IGHMBP2: variants seen among roughly 807,000 people sequenced by gnomAD.
IGHMBP2 encodes DNA-binding protein SMUBP-2.
IGHMBP2 carries 81 observed loss-of-function variants against 96.0 expected under a neutral mutation model. The observed-to-expected ratio is 0.84, with a 90% CI of 0.71 to 1.01. The LOEUF (loss-of-function observed/expected upper bound fraction) is 1.01, where lower values mean the gene tolerates loss of function less well. Among genes scored for constraint, IGHMBP2 ranks in the 50% least tolerant of loss-of-function variants. The pLI is 0.00. For missense variants in IGHMBP2, 1,227 were observed against 1,306.3 expected, an observed-to-expected ratio of 0.94 and a Z score of 0.94; for synonymous variants, 557 against 548.9, an observed-to-expected ratio of 1.01 and a Z score of -0.21.
intron 2 of IGHMBP2, among the ~76,000 whole-genome samples, chr11:68,907,588 T>C (rs1447333166): frequency 2.0e-5 from 3 of 152,214 alleles, no homozygotes; most frequent in Non-Finnish European, 2.9e-5. Flanking sequence ...TTAAATTTCA[T>C]ATTTTGATTT....
intron 5 of IGHMBP2, among the ~76,000 whole-genome samples, chr11:68,914,303 AAG>A (rs1555243882): frequency 6.6e-6 from 1 of 151,342 alleles, no homozygotes; most frequent in African/African-American, 2.4e-5. Flanking sequence ...AAAAAAAAAA[AAG>A]AAAGAAAGAA....
intron 7 of IGHMBP2, chr11:68,926,372 G>A (rs1313867549): frequency 6.8e-6 from 1 of 147,332 alleles, no homozygotes; most frequent in Non-Finnish European, 1.5e-5. Flanking sequence ...CCAGGTTCAA[G>A]CAATTCTCCT....
At position 68,936,325 on chromosome 11, in the gene IGHMBP2, T is replaced by A. The variant is rs370850999; in HGVS notation, c.1845T>A (p.Arg615=). Residue 615 remains arginine (R), a synonymous_variant, in exon 13 of 15, where the codon CGT becomes CGA. Transcript: ENST00000255078. ...ACGTGGCGGTCATCTGTGACTCCCG[T>A]ACTGTCAACAACCATGCATTTTTGA... ...RRHVAVICDS[R]TVNNHAFLKT... 144 of 1,614,088 alleles carry A rather than the reference T, an allele frequency of 8.9e-5. 2 individuals carry two copies. The highest frequency in any genetic ancestry group is 4.5e-4 in the African/African-American group (34 of 74,930).
At chr11:68,919,251 C>G (rs917766646) in intron 7 of IGHMBP2, among the ~76,000 whole-genome samples, 4 of 145,854 alleles carry the variant, frequency 2.7e-5, no homozygotes, top group Admixed American at 1.4e-4. Flanking sequence ...CTCCTCTCCT[C>G]TCTTCTTCTC....
At position 68,929,860 on chromosome 11, in the gene IGHMBP2, CACT is replaced by C. The variant is rs1440590209; in HGVS notation, c.1235+504_1235+506del. 3.1e-6 allele frequency: 3 copies of C among 978,236 alleles called. No homozygotes were observed. The African/African-American group carries it at 5.4e-5, about 18-fold the overall frequency. 60.6% of individuals were successfully genotyped at this position (978,236 alleles called of 1,614,324 possible). A position where few individuals can be genotyped will look rare whatever the true frequency, so the allele number is the denominator to read the frequency against. ...CTGGCCCAGGCTGTCCTGGTGGAGA[CACT>C]GGAGTCCTGATGCGGTGGCCTGGCC... is the stretch of plus-strand genomic sequence containing the variant. On this transcript the variant is annotated intron_variant, in intron 8 of 14. Transcript: ENST00000255078.
chr11:68,915,046 A>G, intron 6 of IGHMBP2, 23 bp downstream of exon 6: 1 of 1,603,318 alleles, frequency 6.2e-7, no homozygotes, highest in Non-Finnish European at 8.5e-7. Context: ...GCCAGTGTCC[A>G]TGTGGGGCGT....
intron 4 of IGHMBP2, among the ~76,000 whole-genome samples, 162 bp downstream of exon 4, chr11:68,908,793 G>T (rs1215095451): frequency 2.0e-5 from 3 of 151,268 alleles, no homozygotes; most frequent in Admixed American, 2.0e-4. Context: ...GCATGAACTG[G>T]ACCGTCCTCC....
At chr11:68,938,488 C>A in intron 14 of IGHMBP2, 134 bp downstream of exon 14, 1 of 748,492 alleles carries the variant, frequency 1.3e-6, no homozygotes, top group South Asian at 1.8e-5. Context: ...CCTTCAGAAA[C>A]AGAAATCAGA....
intron 7 of IGHMBP2, among the ~76,000 whole-genome samples, chr11:68,919,289 C>T (rs1858792447): frequency 6.6e-6 from 1 of 151,790 alleles, no homozygotes; most frequent in East Asian, 1.9e-4. Flanking sequence ...TCCCCATCCC[C>T]ATCCCCGTCG....
chr11:68,929,125 C>A, intron 7 of IGHMBP2, 58 bp from the exon 8 acceptor site: 1 of 1,506,888 alleles, frequency 6.6e-7, no homozygotes, highest in Non-Finnish European at 9.2e-7. Flanking sequence ...TCTGGTGTGG[C>A]TGCGCTGTTG....
intron 5 of IGHMBP2, among the ~76,000 whole-genome samples, chr11:68,912,587 T>C (rs563192283): frequency 6.6e-6 from 1 of 152,128 alleles, no homozygotes; most frequent in Non-Finnish European, 1.5e-5. Flanking sequence ...AAAAACTTTC[T>C]GGTTTATAAA....
intron 5 of IGHMBP2, among the ~76,000 whole-genome samples, chr11:68,913,439 G>C (rs1273192498): frequency 6.6e-6 from 1 of 152,004 alleles, no homozygotes. Flanking sequence ...TTTGTTTTGA[G>C]CTTAAGGGCC....
intron 2 of IGHMBP2, among the ~76,000 whole-genome samples, chr11:68,906,640 CTT>C (rs60710565): frequency 4.3e-5 from 5 of 117,582 alleles, no homozygotes; most frequent in Admixed American, 9.3e-5. Flanking sequence ...CATTTCTTTT[CTT>C]TTTTTTTTTT....
rs1859187100 is a variant in IGHMBP2, at chr11:68,929,373, C to G, written c.1235+16C>G. The G allele has an allele frequency of 1.9e-6, 3 of 1,609,784 alleles. No individual in the cohort carries two copies. The highest frequency in any genetic ancestry group is 3.3e-5 in the Admixed American group (2 of 60,006). On this transcript the variant is annotated intron_variant, in intron 8 of 14. Coordinates refer to ENST00000255078, the MANE Select transcript of IGHMBP2 (RefSeq NM_002180.3). ...TCTCTCACAAGTAAGACCCCTTTGC[C>G]TCACATGCCCTTCTCTGCCCCCGCC...
chr11:68,909,234 T>C (rs1314381277), intron 4 of IGHMBP2, among the ~76,000 whole-genome samples: 1 of 137,632 alleles, frequency 7.3e-6, no homozygotes, highest in Non-Finnish European at 1.6e-5. Flanking sequence ...GACTGGAGTA[T>C]AGTGGCATGA....
At chr11:68,904,803 C>CTTTTCTTTTTTCTT (rs892709461) in intron 1 of IGHMBP2, among the ~76,000 whole-genome samples, 1 of 120,996 alleles carries the variant, frequency 8.3e-6, no homozygotes, top group Non-Finnish European at 1.7e-5. Flanking sequence ...TTTTCTTTTT[C>CTTTTCTTTTTTCTT]TTTTTTTTTT....
At chr11:68,908,688 C>T in intron 4 of IGHMBP2, 57 bp downstream of exon 4, 2 of 1,208,724 alleles carry the variant, frequency 1.7e-6, no homozygotes, top group Middle Eastern at 3.8e-4. Flanking sequence ...GTATAGAGAA[C>T]AGTGTGACCT....
In IGHMBP2 at chr11:68,914,730, T is replaced by G. The variant is rs1858580086; in HGVS notation, c.712-93T>G. The stretch of plus-strand genomic sequence containing the variant: ...AGCACGTGTGTACATGCCTTGTGCT[T>G]CTTTCTACCTTTAAGGCTTTTTGTT... On this transcript the variant is annotated intron_variant, in intron 5 of 14. Transcript: ENST00000255078. 37 of 1,353,336 alleles carry G rather than the reference T, an allele frequency of 2.7e-5. No individual in the cohort carries two copies. The South Asian group carries it at 3.9e-4, about 14-fold the overall frequency. The allele number at this position is 1,353,336 out of a possible 1,614,324, so 83.8% of individuals were successfully genotyped here.
intron 5 of IGHMBP2, among the ~76,000 whole-genome samples, chr11:68,913,511 G>A (rs1424685672): frequency 6.6e-6 from 1 of 151,938 alleles, no homozygotes; most frequent in Admixed American, 6.5e-5. Flanking sequence ...TCAGAGATGG[G>A]GTCTCACTAT....
Sources: gnomAD v4.1 joint callset for allele counts (sites outside exome capture counted in the v4.1 genomes callset) on GRCh38, gnomAD v4.1.1 for gene constraint, MANE v1.5 for transcripts, NCBI Gene and HGNC (gene_info 2026-07-23, HGNC 2026-07-21) for gene names.